The following ZNF529 variants were observed in gnomAD, a reference collection of about 807,000 sequenced individuals.
The protein encoded by ZNF529 is zinc finger protein 529.
In ZNF529, 11 loss-of-function variants were observed where a neutral mutation model predicts 10.1. That is an observed-to-expected ratio of 1.09 (90% CI 0.69 to 1.81). ZNF529 has a LOEUF of 1.81. Among genes scored for constraint, ZNF529 ranks in the 40% most tolerant of loss-of-function variants. ZNF529 has a pLI of 0.00. For synonymous variants in ZNF529, 204 were observed against 215.7 expected (o/e 0.95, Z 0.47); for missense variants, 624 against 666.8 (o/e 0.94, Z 0.71).
At chr19:36,574,117 G>A (rs1255038347), upstream of ZNF529, among the ~76,000 whole-genome samples, 1 of 152,176 alleles carries the variant, frequency 6.6e-6, no homozygotes, top group Admixed American at 6.5e-5. Flanking sequence ...CAGCCCTCAG[G>A]AGATCTTGAG....
chr19:36,582,233 T>C (rs2036479326), intron 2 of ZNF529: 1 of 152,176 alleles, frequency 6.6e-6, no homozygotes, highest in African/African-American at 2.4e-5. Flanking sequence ...TTGTGGATGT[T>C]GGTTGTACAA....
chr19:36,588,113 A>G (rs1290427842), intron 2 of ZNF529, among the ~76,000 whole-genome samples: 4 of 152,208 alleles, frequency 2.6e-5, no homozygotes, highest in Non-Finnish European at 5.9e-5. Flanking sequence ...ATGCCACTGC[A>G]GTCCAGCCTG....
At position 36,590,696 on chromosome 19, in the gene ZNF529, G is replaced by A. The variant is rs189682514; in HGVS notation, c.-127-995C>T. ...TGTAATCCCAGTACTTTGGGAGGCC[G>A]AGGCGGGCAGATCACCTAAAGTCAG... On this transcript the variant is annotated intron_variant, in intron 1 of 4. Transcript: ENST00000585960. Among the ~76,000 whole-genome samples, 296 of 152,230 alleles carry A rather than the reference G, an allele frequency of 1.9e-3. 2 individuals carry two copies. Among genetic ancestry groups the A allele is most frequent in the African/African-American group, 6.9e-3 (285 of 41,558 alleles).
At chr19:36,559,561 C>A (rs2035602901) in intron 2 of ZNF529, among the ~76,000 whole-genome samples, 1 of 152,198 alleles carries the variant, frequency 6.6e-6, no homozygotes, top group Non-Finnish European at 1.5e-5. Context: ...CCCACCTTGG[C>A]CTCCCGAAGT....
chr19:36,582,533 A>ATCTCTAC (rs959743643), intron 2 of ZNF529: 5 of 152,000 alleles, frequency 3.3e-5, no homozygotes, highest in Non-Finnish European at 5.9e-5. Flanking sequence ...GTGAAACCCC[A>ATCTCTAC]TCTCTACTAA....
intron 2 of ZNF529, among the ~76,000 whole-genome samples, chr19:36,586,146 A>G (rs1410796117): frequency 1.3e-5 from 2 of 152,200 alleles, no homozygotes; most frequent in Non-Finnish European, 2.9e-5. Context: ...ATTTCCTTGC[A>G]ATATGTATTG....
At chr19:36,573,650 T>C, upstream of ZNF529, 1 of 355,598 alleles carries the variant, frequency 2.8e-6, no homozygotes, top group Non-Finnish European at 5.8e-6. Context: ...CTGCCTCACC[T>C]CTGGAAAGAA....
At position 36,555,592 on chromosome 19, in the gene ZNF529, G is replaced by A. The variant is rs200302231; in HGVS notation, c.108+512C>T. Among the ~76,000 whole-genome samples, 24 of 25,592 alleles carry A rather than the reference G, an allele frequency of 9.4e-4. 9 individuals carry two copies. Among genetic ancestry groups the A allele is most frequent in the Admixed American group, 2.3e-3 (9 of 3,950 alleles). 16.8% of individuals were successfully genotyped at this position (25,592 alleles called of 152,430 possible). ...ATTACAGGCGTGAGCCACCGCGCCC[G>A]GCCGCGATAAAGTTTTTAGTAAGTG... On this transcript the variant is annotated intron_variant, in intron 3 of 4. Coordinates refer to ENST00000591340, the MANE Select transcript of ZNF529 (RefSeq NM_020951.5).
upstream of ZNF529, among the ~76,000 whole-genome samples, chr19:36,576,611 G>T (rs1187973780): frequency 6.6e-6 from 1 of 151,948 alleles, no homozygotes; most frequent in East Asian, 1.9e-4. Flanking sequence ...CAGCTACTCG[G>T]GAGGCTGAGG....
At chr19:36,560,280 A>G (rs113359285) in intron 2 of ZNF529, among the ~76,000 whole-genome samples, 47 of 147,640 alleles carry the variant, frequency 3.2e-4, no homozygotes, top group Middle Eastern at 3.5e-3. Flanking sequence ...AAAAAAAAAA[A>G]AGAGAAGCAA....
At chr19:36,594,846 C>T (rs895747769) in intron 1 of ZNF529, 1 of 152,250 alleles carries the variant, frequency 6.6e-6, no homozygotes, top group Non-Finnish European at 1.5e-5. Context: ...AACCCAACTG[C>T]TTCTAGCTCA....
intron 2 of ZNF529, among the ~76,000 whole-genome samples, chr19:36,563,972 A>G (rs1160971766): frequency 1.3e-5 from 2 of 152,130 alleles, no homozygotes; most frequent in East Asian, 3.8e-4. Context: ...CACACCTACA[A>G]CCAACTGATC....
At chr19:36,565,448 A>C (rs556586767) in intron 2 of ZNF529, among the ~76,000 whole-genome samples, 2 of 152,306 alleles carry the variant, frequency 1.3e-5, no homozygotes, top group South Asian at 4.1e-4. Flanking sequence ...CACACCTGTA[A>C]TCCCAGCATT....
In ZNF529 at chr19:36,546,531, A is replaced by C. The variant is rs2035028291; in HGVS notation, c.*335T>G. On this transcript the variant is annotated 3_prime_UTR_variant, in exon 5 of 5. Coordinates refer to ENST00000591340, the MANE Select transcript of ZNF529 (RefSeq NM_020951.5). ...CAAGCAAAGAATTACAATGCAGAAA[A>C]GATATTGAAGTAATATTACAATTAA... 1.4e-5 allele frequency: 3 copies of C among 208,648 alleles called. No homozygotes were observed. Among genetic ancestry groups the C allele is most frequent in the Admixed American group, 5.2e-5 (1 of 19,062 alleles). The allele number at this position is 208,648 out of a possible 1,614,324, so 12.9% of individuals were successfully genotyped here. A position where few individuals can be genotyped will look rare whatever the true frequency, so the allele number is the denominator to read the frequency against.
intron 4 of ZNF529, among the ~76,000 whole-genome samples, chr19:36,550,887 C>T (rs942134000): frequency 1.3e-5 from 2 of 151,982 alleles, no homozygotes; most frequent in African/African-American, 4.8e-5. Flanking sequence ...ATATTTAAAA[C>T]CAACCCAAAA....
rs571761581 is a variant in ZNF529, at chr19:36,579,138, T to C, written c.-41+10477A>G. ...ATTGCTTGAACCCGGTAGGTGGAGG[T>C]TGTAGTGAGCCAAGATTGCGCCGTT... On this transcript the variant is annotated intron_variant, in intron 2 of 4. Transcript: ENST00000585960. Among the ~76,000 whole-genome samples the C allele has an allele frequency of 3.3e-5, 5 of 151,172 alleles. No homozygotes were observed. In the South Asian group the frequency reaches 1.0e-3, roughly 32 times the overall value.
chr19:36,585,085 G>GA (rs1319581477), intron 2 of ZNF529, among the ~76,000 whole-genome samples: 1 of 152,168 alleles, frequency 6.6e-6, no homozygotes, highest in Non-Finnish European at 1.5e-5. Context: ...AGTCTGACCA[G>GA]AATAGCACAT....
At chr19:36,586,229 T>C (rs893852369) in intron 2 of ZNF529, among the ~76,000 whole-genome samples, 4 of 152,176 alleles carry the variant, frequency 2.6e-5, no homozygotes, top group Non-Finnish European at 2.9e-5. Context: ...CTAATAGTAC[T>C]AAAAAGGAAT....
chr19:36,589,508 C>T (rs573583095), intron 2 of ZNF529: 6 of 152,274 alleles, frequency 3.9e-5, no homozygotes, highest in Non-Finnish European at 7.4e-5. Flanking sequence ...AGAGGAAAAG[C>T]AAGGAAATGT....
Sources: allele counts gnomAD v4.1 joint callset (sites outside exome capture counted in the v4.1 genomes callset), GRCh38; gene constraint gnomAD v4.1.1; transcripts MANE v1.5; gene names NCBI Gene and HGNC (gene_info 2026-07-23, HGNC 2026-07-21).